The following DMTF1 variants were observed in gnomAD, a reference collection of about 807,000 sequenced individuals.
DMTF1 encodes cyclin D binding myb like transcription factor 1.
DMTF1 carries 39 observed loss-of-function variants against 91.1 expected under a neutral mutation model. The ratio of observed to expected loss-of-function variants is 0.43; its 90% CI spans 0.33 to 0.56. DMTF1 has a LOEUF of 0.56. Among genes scored for constraint, DMTF1 ranks in the 20% least tolerant of loss-of-function variants. The pLI, the probability that DMTF1 is intolerant of heterozygous loss-of-function variation, is 0.05. For synonymous variants in DMTF1, 338 were observed against 309.5 expected, an observed-to-expected ratio of 1.09 and a Z score of -0.97; for missense variants, 750 against 914.5, an observed-to-expected ratio of 0.82 and a Z score of 2.32.
intron 1 of DMTF1, chr7:87,153,094 C>G (rs867623297): frequency 5.9e-5 from 9 of 152,392 alleles, no homozygotes; most frequent in East Asian, 5.8e-4. Flanking sequence ...AACTTCCCCC[C>G]CTTTGCTTTT....
At chr7:87,185,711 T>C in intron 11 of DMTF1, 118 bp from the exon 12 acceptor site, 1 of 1,129,734 alleles carries the variant, frequency 8.9e-7, no homozygotes, top group Non-Finnish European at 1.3e-6. Flanking sequence ...AACAATAGCA[T>C]CTCATTGGCA....
chr7:87,191,193 T>C (rs1799682212), intron 14 of DMTF1, among the ~76,000 whole-genome samples, 166 bp downstream of exon 14: 1 of 152,174 alleles, frequency 6.6e-6, no homozygotes, highest in Non-Finnish European at 1.5e-5. Context: ...TTCTCTCATC[T>C]GTATATAAAC....
intron 7 of DMTF1, among the ~76,000 whole-genome samples, chr7:87,175,594 A>G (rs566979605): frequency 6.6e-6 from 1 of 152,322 alleles, no homozygotes; most frequent in East Asian, 1.9e-4. Flanking sequence ...TGAATGATAC[A>G]TGTGAATTCT....
intron 4 of DMTF1, among the ~76,000 whole-genome samples, chr7:87,168,195 C>G (rs993198943): frequency 2.0e-5 from 3 of 152,206 alleles, no homozygotes; most frequent in Non-Finnish European, 2.9e-5. Context: ...GCCTAACTCT[C>G]ATATTAATCA....
chr7:87,185,063 C>T (rs1798121116), intron 11 of DMTF1: 1 of 331,132 alleles, frequency 3.0e-6, no homozygotes, highest in African/African-American at 2.2e-5. Flanking sequence ...GTAGTTACCT[C>T]CACACCTCCA....
At chr7:87,183,299 AT>A (rs1195918832) in intron 10 of DMTF1, among the ~76,000 whole-genome samples, 1 of 152,224 alleles carries the variant, frequency 6.6e-6, no homozygotes, top group East Asian at 1.9e-4. Context: ...TAAGCTTTAG[AT>A]TTAGGATAGG....
At chr7:87,174,143 A>G (rs549096435) in intron 6 of DMTF1, among the ~76,000 whole-genome samples, 42 of 152,320 alleles carry the variant, frequency 2.8e-4, no homozygotes, top group Admixed American at 3.3e-4. Flanking sequence ...ATTTTCAACC[A>G]CTGTATAGTA....
intron 4 of DMTF1, among the ~76,000 whole-genome samples, chr7:87,167,903 T>C (rs888945455): frequency 6.6e-6 from 1 of 152,238 alleles, no homozygotes; most frequent in Non-Finnish European, 1.5e-5. Flanking sequence ...TTGATATAAA[T>C]TGACTTCAAC....
chr7:87,181,409 G>A, intron 9 of DMTF1, 68 bp downstream of exon 9: 1 of 801,450 alleles, frequency 1.2e-6, no homozygotes, highest in Non-Finnish European at 2.0e-6. Flanking sequence ...GTTTTACTTT[G>A]AAAATTTCAA....
At chr7:87,179,962 C>CAT (rs1404627587) in intron 8 of DMTF1, among the ~76,000 whole-genome samples, 16 of 151,960 alleles carry the variant, frequency 1.1e-4, no homozygotes, top group Admixed American at 5.2e-4. Flanking sequence ...AGTAAAGTAA[C>CAT]ATAAAAAATA....
chr7:87,188,014 T>TC (rs1246881726), intron 12 of DMTF1, 78 bp from the exon 13 acceptor site: 9 of 1,133,314 alleles, frequency 7.9e-6, no homozygotes, highest in East Asian at 2.4e-5. Flanking sequence ...CCTCCTTACC[T>TC]CCCCCCACCT....
chr7:87,155,433 T>C (rs939556773), intron 1 of DMTF1: 2 of 152,224 alleles, frequency 1.3e-5, no homozygotes, highest in African/African-American at 4.8e-5. Flanking sequence ...TTGATATACT[T>C]TTAAATGCTT....
At chr7:87,183,790 TG>T (rs751598686) in intron 10 of DMTF1, among the ~76,000 whole-genome samples, 13 of 152,204 alleles carry the variant, frequency 8.5e-5, no homozygotes, top group African/African-American at 1.2e-4. Context: ...TATCTATTAG[TG>T]GGTTTATGGG....
chr7:87,158,286 A>G (rs893612977), intron 1 of DMTF1, among the ~76,000 whole-genome samples: 3 of 152,092 alleles, frequency 2.0e-5, no homozygotes, highest in African/African-American at 7.2e-5. Flanking sequence ...CTCAATGATT[A>G]AAATAATTCT....
At chr7:87,189,586 T>C (rs1799273068) in intron 13 of DMTF1, among the ~76,000 whole-genome samples, 1 of 152,144 alleles carries the variant, frequency 6.6e-6, no homozygotes, top group Non-Finnish European at 1.5e-5. Flanking sequence ...TTTTCTCTCT[T>C]ACAGCAAGAA....
At chr7:87,166,450 TGAAA>T (rs1793853881) in intron 3 of DMTF1, 29 bp from the exon 4 acceptor site, 74 of 1,586,702 alleles carry the variant, frequency 4.7e-5, no homozygotes, top group Admixed American at 7.5e-5. Context: ...CTCTTTGGTT[TGAAA>T]TTTTTGTTTG....
At chr7:87,152,616 C>G (rs888730160) in intron 1 of DMTF1, 61 bp downstream of exon 1, 1 of 152,796 alleles carries the variant, frequency 6.5e-6, no homozygotes, top group Non-Finnish European at 1.5e-5. Context: ...CCAGTGGAGC[C>G]TGTCCGGCCC....
intron 2 of DMTF1, among the ~76,000 whole-genome samples, chr7:87,163,944 A>G (rs989277267): frequency 1.3e-5 from 2 of 151,902 alleles, no homozygotes; most frequent in Non-Finnish European, 2.9e-5. Context: ...TCGGGTGGCT[A>G]AGACAGGAGT....
chr7:87,172,706 T>A (rs1795355211), intron 5 of DMTF1, among the ~76,000 whole-genome samples: 1 of 152,258 alleles, frequency 6.6e-6, no homozygotes, highest in South Asian at 2.1e-4. Context: ...CTTATTCTGC[T>A]TACGATAGGC....
Sources: gnomAD v4.1 joint callset for allele counts (sites outside exome capture counted in the v4.1 genomes callset) on GRCh38, gnomAD v4.1.1 for gene constraint, MANE v1.5 for transcripts, NCBI Gene and HGNC (gene_info 2026-07-23, HGNC 2026-07-21) for gene names.